Variants in CSGALNACT1 observed in about 807,000 individuals in gnomAD.
The protein encoded by CSGALNACT1 is chondroitin sulfate N-acetylgalactosaminyltransferase 1.
A neutral mutation model predicts 51.0 loss-of-function variants in CSGALNACT1; 52 were observed. The ratio of observed to expected loss-of-function variants is 1.02; its 90% confidence interval spans 0.82 to 1.29. The LOEUF (loss-of-function observed/expected upper bound fraction) is 1.29, where lower values mean the gene tolerates loss of function less well. Ranked by LOEUF, CSGALNACT1 falls within the 50% of genes most tolerant of loss-of-function variation. The pLI is 0.00. For missense variants in CSGALNACT1, 935 were observed against 679.2 expected (o/e 1.38, Z -4.19); for synonymous variants, 341 against 254.4 (o/e 1.34, Z -3.24).
intron 3 of CSGALNACT1, among the ~76,000 whole-genome samples, chr8:19,522,633 G>T (rs757462404): frequency 5.3e-5 from 8 of 152,288 alleles, no homozygotes; most frequent in Non-Finnish European, 8.8e-5. Flanking sequence ...GCATTTTTCT[G>T]CACCAGCAAC....
At chr8:19,684,141 A>G (rs2060831140), upstream of CSGALNACT1, among the ~76,000 whole-genome samples, 1 of 151,922 alleles carries the variant, frequency 6.6e-6, no homozygotes, top group Non-Finnish European at 1.5e-5. Context: ...ACTCTAGCCC[A>G]GGCAACAGAA....
In CSGALNACT1 at chr8:19,583,778, T is replaced by C. The variant is rs143872815; in HGVS notation, c.-297+7382A>G. 7.6e-3 allele frequency among the ~76,000 whole-genome samples: 1,155 copies of C among 152,330 alleles called. 16 individuals are homozygous for C. The highest frequency in any genetic ancestry group is 0.026 in the African/African-American group (1,093 of 41,578). On this transcript the variant is annotated intron_variant, in intron 3 of 9. Coordinates refer to ENST00000454498, the Ensembl canonical transcript of CSGALNACT1. ...TTGCATCAGCCACAAAGCCTGCACT[T>C]TGGGGTTGGAACTGCCAACAAAAAA...
chr8:19,421,791 T>C (rs1038566009), intron 6 of CSGALNACT1, among the ~76,000 whole-genome samples: 1 of 152,244 alleles, frequency 6.6e-6, no homozygotes, highest in African/African-American at 2.4e-5. Flanking sequence ...CTTTTGGATC[T>C]GGGAGTGAGC....
chr8:19,678,011 G>A (rs981674217), intron 1 of CSGALNACT1, among the ~76,000 whole-genome samples: 5 of 152,066 alleles, frequency 3.3e-5, no homozygotes, highest in African/African-American at 1.2e-4. Context: ...AGCTACTTGG[G>A]AGGCTGACAT....
chr8:19,406,153 T>G (rs1264555296), intron 9 of CSGALNACT1, 84 bp from the exon 9 acceptor site: 1 of 1,502,012 alleles, frequency 6.7e-7, no homozygotes, highest in Non-Finnish European at 9.2e-7. Flanking sequence ...AACTTTTCAT[T>G]AAGACATGAC....
chr8:19,519,811 C>A (rs1205370053), intron 3 of CSGALNACT1, among the ~76,000 whole-genome samples: 2 of 152,220 alleles, frequency 1.3e-5, no homozygotes, highest in Admixed American at 6.5e-5. Context: ...TCTGGTCTCT[C>A]CACCCACAAT....
At chr8:19,559,165 A>G (rs953632626) in intron 3 of CSGALNACT1, among the ~76,000 whole-genome samples, 2 of 152,200 alleles carry the variant, frequency 1.3e-5, no homozygotes, top group African/African-American at 4.8e-5. Flanking sequence ...AATGTCTCTC[A>G]TGAACATGGA....
chr8:19,752,319 G>A (rs748671618), intron 1 of CSGALNACT1, among the ~76,000 whole-genome samples: 18 of 151,910 alleles, frequency 1.2e-4, no homozygotes, highest in Admixed American at 2.0e-4. Flanking sequence ...AGGTTGTGCC[G>A]CAAAGTGTGC....
intron 3 of CSGALNACT1, among the ~76,000 whole-genome samples, chr8:19,517,161 G>A (rs1265703187): frequency 6.6e-6 from 1 of 152,196 alleles, no homozygotes. Context: ...AAGAGGGCCA[G>A]GCATGGTGAC....
exon 10 of CSGALNACT1, chr8:19,404,287 T>C (rs1212787648): frequency 2.2e-6 from 1 of 450,950 alleles, no homozygotes. Flanking sequence ...CACCAACAGC[T>C]TGAATGTTCT....
At chr8:19,527,663 G>A (rs565892217) in intron 3 of CSGALNACT1, among the ~76,000 whole-genome samples, 2 of 152,300 alleles carry the variant, frequency 1.3e-5, no homozygotes, top group Non-Finnish European at 2.9e-5. Flanking sequence ...AGTGGCATAG[G>A]CTTGGAAGCG....
At chr8:19,488,964 A>C (rs2073756037) in intron 4 of CSGALNACT1, among the ~76,000 whole-genome samples, 1 of 152,176 alleles carries the variant, frequency 6.6e-6, no homozygotes, top group African/African-American at 2.4e-5. Context: ...GAAAATGAAT[A>C]ATATGCAGTT....
At chr8:19,432,067 T>G (rs2059728151) in intron 6 of CSGALNACT1, among the ~76,000 whole-genome samples, 1 of 152,172 alleles carries the variant, frequency 6.6e-6, no homozygotes, top group Non-Finnish European at 1.5e-5. Context: ...TCACTGGCAA[T>G]CTTTACGTCT....
chr8:19,462,734 C>T (rs1305786747), intron 4 of CSGALNACT1, among the ~76,000 whole-genome samples: 1 of 152,140 alleles, frequency 6.6e-6, no homozygotes, highest in Non-Finnish European at 1.5e-5. Context: ...CATTTTTTAG[C>T]TGGTTTCTCT....
At chr8:19,662,568 C>T (rs2058852974) in intron 1 of CSGALNACT1, among the ~76,000 whole-genome samples, 1 of 152,194 alleles carries the variant, frequency 6.6e-6, no homozygotes, top group Admixed American at 6.5e-5. Context: ...TACTAGGAAG[C>T]AGTGTACTCC....
intron 3 of CSGALNACT1, among the ~76,000 whole-genome samples, chr8:19,539,318 T>C (rs2084526565): frequency 6.6e-6 from 1 of 152,198 alleles, no homozygotes; most frequent in South Asian, 2.1e-4. Context: ...TGTGTACCTT[T>C]TGACCTTCAT....
chr8:19,451,686 T>C (rs532897063), intron 5 of CSGALNACT1, among the ~76,000 whole-genome samples: 2 of 152,300 alleles, frequency 1.3e-5, no homozygotes, highest in East Asian at 3.9e-4. Flanking sequence ...TGCTCTTTCT[T>C]GGGAATTCCA....
intron 1 of CSGALNACT1, among the ~76,000 whole-genome samples, chr8:19,664,856 G>C (rs918070191): frequency 7.2e-5 from 11 of 152,312 alleles, no homozygotes; most frequent in African/African-American, 2.6e-4. Flanking sequence ...TGGATACAGA[G>C]TGTAAAACAA....
chr8:19,516,043 T>TCTTTTGGGG (rs1256874378), intron 3 of CSGALNACT1, among the ~76,000 whole-genome samples: 3 of 151,722 alleles, frequency 2.0e-5, no homozygotes, highest in African/African-American at 7.3e-5. Flanking sequence ...ACTCCCGGAG[T>TCTTTTGGGG]CTTTTGGGGC....
Sources: allele counts gnomAD v4.1 joint callset (sites outside exome capture counted in the v4.1 genomes callset), GRCh38; gene constraint gnomAD v4.1.1; transcripts MANE v1.5; gene names NCBI Gene and HGNC (gene_info 2026-07-23, HGNC 2026-07-21).